The following SHQ1 variants were observed in gnomAD, a reference collection of about 807,000 sequenced individuals.
SHQ1 encodes the protein SHQ1, H/ACA ribonucleoprotein assembly factor.
In SHQ1, 49 loss-of-function variants were observed where a neutral mutation model predicts 53.8. That is an observed-to-expected ratio of 0.91 (90% CI 0.72 to 1.16). The LOEUF is 1.16. SHQ1 is among the 50% of genes most tolerant of loss of function. SHQ1 has a pLI of 0.00. For synonymous variants in SHQ1, 243 were observed against 251.0 expected (o/e 0.97, Z 0.30); for missense variants, 738 against 683.1 (o/e 1.08, Z -0.90).
chr3:72,751,504 GTGTGTA>G (rs1219689951), intron 10 of SHQ1, among the ~76,000 whole-genome samples: 32 of 118,140 alleles, frequency 2.7e-4, no homozygotes, highest in East Asian at 4.0e-4. Context: ...GTGTGTGTGT[GTGTGTA>G]TATATATATA....
Position 72,750,540 on chromosome 3 carries a change from C to T in SHQ1, c.1478G>A (p.Gly493Asp). 2 of 1,614,202 alleles carry T rather than the reference C, an allele frequency of 1.2e-6. No homozygotes were observed. Among genetic ancestry groups the T allele is most frequent in the Non-Finnish European group, 1.7e-6 (2 of 1,180,034 alleles). Residue 493 changes from glycine (G) to aspartate (D), a missense_variant, in exon 11 of 11, where the codon GGT (glycine) becomes GAT (aspartate). Transcript: ENST00000325599. ...GGCACTGCTTTCTTCAAGAAAGGGA[C>T]CTTGCAAAGAACTGACTGTCTCAGA... ...SPSETVSSLQ[G>D]PFLEESSAFL...
At chr3:72,844,456 T>C in intron 1 of SHQ1, 33 bp from the exon 2 acceptor site, 1 of 1,557,202 alleles carries the variant, frequency 6.4e-7, no homozygotes, top group Non-Finnish European at 8.9e-7. Flanking sequence ...ATGAAGTCCT[T>C]AAATTATAAC....
chr3:72,796,894 A>ACAT (rs1262885481), intron 9 of SHQ1, among the ~76,000 whole-genome samples: 1 of 150,894 alleles, frequency 6.6e-6, no homozygotes, highest in African/African-American at 2.4e-5. Context: ...AGAAGAAATT[A>ACAT]CATTGTATTT....
At chr3:72,834,985 A>C (rs568673894) in intron 4 of SHQ1, among the ~76,000 whole-genome samples, 2 of 152,216 alleles carry the variant, frequency 1.3e-5, no homozygotes, top group South Asian at 4.1e-4. Flanking sequence ...CTGAGCTAAA[A>C]TCAAGGGCTA....
chr3:72,739,957 G>C, the SHQ1 span, among the ~76,000 whole-genome samples: 1 of 152,152 alleles, frequency 6.6e-6, no homozygotes, highest in African/African-American at 2.4e-5. Context: ...GAAGAGTGTG[G>C]CCTTAGCGCA....
chr3:72,830,266 A>G (rs565157508), intron 5 of SHQ1, among the ~76,000 whole-genome samples: 1 of 152,162 alleles, frequency 6.6e-6, no homozygotes, highest in Non-Finnish European at 1.5e-5. Context: ...GGCTGAAATT[A>G]AAATTCATTT....
chr3:72,748,939 C>T (rs1705308718), downstream of SHQ1, among the ~76,000 whole-genome samples: 1 of 149,272 alleles, frequency 6.7e-6, no homozygotes, highest in Non-Finnish European at 1.5e-5. Flanking sequence ...TGGGAGACAG[C>T]GTAAGACCCT....
chr3:72,762,974 C>CTTTTAA lies in SHQ1; in HGVS notation c.1182-12144_1182-12139dup, dbSNP rs1358642964. ...AGCCACCAAGCCCGGCCTGTTTCTACTTTTAATTTTCTTCTTTTACCTTCA... is the reference window on the plus strand; with the variant it reads ...AGCCACCAAGCCCGGCCTGTTTCTACTTTTAATTTTAATTTTCTTCTTTTACCTTCA... On this transcript the variant is annotated intron_variant, in intron 10 of 10. Coordinates refer to ENST00000325599, the MANE Select transcript of SHQ1 (RefSeq NM_018130.3). Among the ~76,000 whole-genome samples, 4 of 148,626 alleles carry CTTTTAA rather than the reference C, an allele frequency of 2.7e-5. No individual in the cohort carries two copies. In the East Asian group the frequency reaches 8.2e-4, roughly 30 times the overall value.
At chr3:72,763,772 G>A (rs535546855) in intron 10 of SHQ1, among the ~76,000 whole-genome samples, 3 of 152,276 alleles carry the variant, frequency 2.0e-5, no homozygotes, top group South Asian at 2.1e-4. Flanking sequence ...AGAGAGGCAC[G>A]GAACAGATTC....
chr3:72,762,106 C>A (rs1705623432), intron 10 of SHQ1, among the ~76,000 whole-genome samples: 1 of 152,188 alleles, frequency 6.6e-6, no homozygotes, highest in Non-Finnish European at 1.5e-5. Flanking sequence ...TGTGCACACA[C>A]ATGCCTATAC....
chr3:72,762,198 T>G (rs1225625095), intron 10 of SHQ1, among the ~76,000 whole-genome samples: 1 of 152,102 alleles, frequency 6.6e-6, no homozygotes, highest in East Asian at 1.9e-4. Flanking sequence ...AAAAAAACAC[T>G]CGCTATGGCA....
chr3:72,823,148 C>CAA (rs772618429), intron 6 of SHQ1, among the ~76,000 whole-genome samples: 1,050 of 76,130 alleles, frequency 0.014, 19 homozygotes, highest in African/African-American at 0.048. Context: ...GACTCCGTCT[C>CAA]AAAAAAAAAA....
At chr3:72,802,539 C>T (rs1706820959) in intron 9 of SHQ1, among the ~76,000 whole-genome samples, 1 of 152,230 alleles carries the variant, frequency 6.6e-6, no homozygotes, top group African/African-American at 2.4e-5. Context: ...TTCCCCTTCA[C>T]ACCTCTGGCC....
Position 72,751,509 on chromosome 3 carries a change from T to TAC in SHQ1, c.1182-674_1182-673insGT, listed in dbSNP as rs1491488464. On this transcript the variant is annotated intron_variant, in intron 10 of 10. Transcript: ENST00000325599. ...GTGTGTGTGTGTGTGTGTGTGTGTG[T>TAC]ATATATATATATATATATATACATA... 2.6e-3 allele frequency among the ~76,000 whole-genome samples: 225 copies of TAC among 87,284 alleles called. 2 individuals carry two copies. The highest frequency in any genetic ancestry group is 3.1e-3 in the Non-Finnish European group (147 of 46,820). 57.3% of individuals were successfully genotyped at this position (87,284 alleles called of 152,430 possible).
At chr3:72,747,720 G>T (rs905455646), downstream of SHQ1, among the ~76,000 whole-genome samples, 1 of 152,204 alleles carries the variant, frequency 6.6e-6, no homozygotes, top group African/African-American at 2.4e-5. Context: ...GGGTGCGGTG[G>T]CTCATGCCTG....
chr3:72,736,697 G>A, the SHQ1 span, among the ~76,000 whole-genome samples: 1 of 145,672 alleles, frequency 6.9e-6, no homozygotes, highest in Non-Finnish European at 1.5e-5. Context: ...GGAGGCTGAG[G>A]CAAGAGAATT....
intron 10 of SHQ1, among the ~76,000 whole-genome samples, chr3:72,766,375 C>G (rs924435012): frequency 6.6e-6 from 1 of 152,140 alleles, no homozygotes; most frequent in Admixed American, 6.6e-5. Context: ...TGTGGGCCAA[C>G]CTGCACCTCC....
At chr3:72,810,819 T>C (rs1270236870) in intron 9 of SHQ1, among the ~76,000 whole-genome samples, 1 of 152,130 alleles carries the variant, frequency 6.6e-6, no homozygotes, top group African/African-American at 2.4e-5. Flanking sequence ...AACCCAGCCC[T>C]CAGTTTTAGC....
intron 9 of SHQ1, among the ~76,000 whole-genome samples, chr3:72,799,376 G>C (rs1004363578): frequency 2.0e-5 from 3 of 152,062 alleles, no homozygotes; most frequent in African/African-American, 7.2e-5. Flanking sequence ...TATCAAAACA[G>C]ATATGAAGTA....
Sources: allele counts gnomAD v4.1 joint callset (sites outside exome capture counted in the v4.1 genomes callset), GRCh38; gene constraint gnomAD v4.1.1; transcripts MANE v1.5; gene names NCBI Gene and HGNC (gene_info 2026-07-23, HGNC 2026-07-21).